JADE1: variants seen among roughly 807,000 people sequenced by gnomAD.
JADE1 encodes jade family PHD finger 1.
Under a neutral mutation model 81.8 loss-of-function variants are expected in JADE1, and 14 were observed. The ratio of observed to expected loss-of-function variants is 0.17; its 90% confidence interval spans 0.11 to 0.27. The LOEUF (loss-of-function observed/expected upper bound fraction) is 0.27. Among genes scored for constraint, JADE1 ranks in the 10% least tolerant of loss-of-function variants. The pLI is 1.00. For missense variants in JADE1, 690 were observed against 1,047.9 expected (o/e 0.66, Z 4.71); for synonymous variants, 353 against 391.9 (o/e 0.90, Z 1.17).
Position 128,862,810 on chromosome 4 carries a change from G to A in JADE1, c.1503+585G>A, listed in dbSNP as rs1046554754. 3.4e-5 allele frequency: 34 copies of A among 998,556 alleles called. 1 individual carries two copies. The East Asian group carries it at 2.9e-3, about 85-fold the overall frequency. The allele number at this position is 998,556 out of a possible 1,614,324, so 61.9% of individuals were successfully genotyped here. ...AGCAGAGCAGGCAGTGGGTGCTGATGTGTGTGCATGAGCTGTATGTACACA... is the reference window on the plus strand; with the variant it reads ...AGCAGAGCAGGCAGTGGGTGCTGATATGTGTGCATGAGCTGTATGTACACA... On this transcript the variant is annotated intron_variant, in intron 9 of 10. Transcript: ENST00000226319.
chr4:128,861,999 A>C lies in JADE1; in HGVS notation c.1277A>C (p.Glu426Ala). ...RKQKLQQLED[E>A]FYTFVNLLDV... is the part of the protein sequence containing the mutation. ...CAGAAGCTGCAGCAGTTGGAGGATG[A>C]GTTCTACACCTTCGTCAACCTGCTG... Residue 426 changes from glutamate to alanine, a missense_variant, in exon 9 of 11, where the codon GAG (glutamate) becomes GCG (alanine). Glu to Ala is a moderately radical substitution (Grantham distance 107). Transcript: ENST00000226319. The C allele has an allele frequency of 6.2e-7, 1 of 1,614,202 alleles. No individual in the cohort carries two copies. The highest frequency in any genetic ancestry group is 1.1e-5 in the South Asian group (1 of 91,090).
At position 128,872,179 on chromosome 4, in the gene JADE1, G is replaced by T. The variant is rs760331849; in HGVS notation, c.2446G>T (p.Ala816Ser). 6.2e-7 allele frequency: 1 copy of T among 1,614,140 alleles called. No individual in the cohort carries two copies. Among genetic ancestry groups the T allele is most frequent in the South Asian group, 1.1e-5 (1 of 91,086 alleles). ...DVEMSDSESE[A>S]SEKKCIHTSS... is the part of the protein sequence containing the mutation. ...GGAAATGAGTGACTCAGAGAGTGAG[G>T]CATCAGAAAAGAAATGTATACACAC... The change falls in exon 11 of 11, where the codon GCA (alanine) becomes TCA (serine). Residue 816 changes from alanine (A) to serine (S), a missense_variant. Around this residue, in one of 8 missense-constraint regions of JADE1, gnomAD observed 218 missense variants for 274.3 expected, o/e 0.79. Coordinates refer to ENST00000226319, the MANE Select transcript of JADE1 (RefSeq NM_199320.4).
chr4:128,870,179 G>C (rs747838511), intron 10 of JADE1, among the ~76,000 whole-genome samples: 1 of 152,212 alleles, frequency 6.6e-6, no homozygotes, highest in Non-Finnish European at 1.5e-5. Context: ...TATATGCAGT[G>C]TGATGTGAAG....
intron 8 of JADE1, among the ~76,000 whole-genome samples, chr4:128,858,124 C>T (rs189027709): frequency 3.2e-4 from 48 of 152,128 alleles, no homozygotes; most frequent in African/African-American, 9.9e-4. Context: ...CGAAAGAGTG[C>T]GTGCACACCT....
intron 6 of JADE1, among the ~76,000 whole-genome samples, chr4:128,855,146 C>G (rs1440895613): frequency 6.6e-6 from 1 of 152,136 alleles, no homozygotes; most frequent in Admixed American, 6.5e-5. Context: ...TTGGGAGATT[C>G]TCTCAGCTGC....
chr4:128,812,524 G>C (rs931082291), intron 1 of JADE1, among the ~76,000 whole-genome samples: 6 of 151,998 alleles, frequency 3.9e-5, no homozygotes, highest in African/African-American at 1.4e-4. Context: ...CCTTATTCTC[G>C]AGTCCTCAAC....
chr4:128,852,420 T>C, intron 6 of JADE1, 152 bp downstream of exon 6: 1 of 635,110 alleles, frequency 1.6e-6, no homozygotes, highest in Non-Finnish European at 2.8e-6. Context: ...TATTTTTCCC[T>C]AGTAGGTTCT....
At chr4:128,855,176 C>T (rs969930917) in intron 6 of JADE1, among the ~76,000 whole-genome samples, 1 of 152,188 alleles carries the variant, frequency 6.6e-6, no homozygotes, top group Non-Finnish European at 1.5e-5. Context: ...TTTCTCCACA[C>T]TCTGTATTCC....
At chr4:128,838,605 A>T (rs1729179694) in intron 2 of JADE1, among the ~76,000 whole-genome samples, 2 of 152,200 alleles carry the variant, frequency 1.3e-5, no homozygotes, top group South Asian at 4.1e-4. Flanking sequence ...TAAGTGCGTG[A>T]TGTTTTGCTG....
rs1283456580 is a variant in JADE1, at chr4:128,863,365, C to T, written c.1503+1140C>T. 3 of 985,314 alleles carry T rather than the reference C, an allele frequency of 3.0e-6. No homozygotes were observed. The African/African-American group carries it at 5.2e-5, about 17-fold the overall frequency. 61.0% of individuals were successfully genotyped at this position (985,314 alleles called of 1,614,324 possible). A position where few individuals can be genotyped will look rare whatever the true frequency, so the allele number is the denominator to read the frequency against. On this transcript the variant is annotated intron_variant, in intron 9 of 10. Coordinates refer to ENST00000226319, the MANE Select transcript of JADE1 (RefSeq NM_199320.4). ...AAGAGGTGGGAGTGAGGTTTTCTGG[C>T]CTGAAGCAGTCTGCACTGAAAGGTA... is the stretch of plus-strand genomic sequence containing the variant.
intron 3 of JADE1, among the ~76,000 whole-genome samples, chr4:128,845,470 G>GT (rs930337652): frequency 3.9e-5 from 6 of 152,162 alleles, no homozygotes; most frequent in Admixed American, 6.5e-5. Flanking sequence ...GTGCAAACAT[G>GT]TTTTTTGCAG....
At chr4:128,848,234 A>G (rs1730035989) in intron 4 of JADE1, among the ~76,000 whole-genome samples, 1 of 152,056 alleles carries the variant, frequency 6.6e-6, no homozygotes, top group Non-Finnish European at 1.5e-5. Context: ...GCTGGAGTGC[A>G]GTGGTGCAAT....
intron 1 of JADE1, among the ~76,000 whole-genome samples, chr4:128,810,959 G>A (rs558275927): frequency 6.6e-6 from 1 of 152,174 alleles, no homozygotes; most frequent in Non-Finnish European, 1.5e-5. Context: ...AATTGTGGGG[G>A]TGGGGTCTCT....
At position 128,871,644 on chromosome 4, in the gene JADE1, T is replaced by C; in HGVS notation, c.1911T>C (p.Phe637=). ...PESFLGLEKT[F]AEARLISAQQ... The stretch of plus-strand genomic sequence containing the variant: ...GCTTTTTGGGTTTAGAAAAGACCTT[T>C]GCAGAAGCACGTCTCATATCAGCAC... Residue 637 remains phenylalanine (F), a synonymous_variant, in exon 11 of 11, where the codon TTT becomes TTC. Transcript: ENST00000226319. This position sits in a 1 kb window ranked among gnomAD's most constrained non-coding sequence, Gnocchi z 4.1. The C allele has an allele frequency of 6.2e-7, 1 of 1,614,228 alleles. No individual in the cohort carries two copies. Among genetic ancestry groups the C allele is most frequent in the Non-Finnish European group, 8.5e-7 (1 of 1,180,044 alleles).
chr4:128,859,665 C>T (rs188871860), intron 8 of JADE1, among the ~76,000 whole-genome samples: 59 of 152,306 alleles, frequency 3.9e-4, no homozygotes, highest in Non-Finnish European at 7.3e-5. Flanking sequence ...CCACATTCCC[C>T]GGTGTTCTGA....
intron 9 of JADE1, chr4:128,863,388 G>A (rs980078828): frequency 5.1e-6 from 5 of 985,402 alleles, no homozygotes; most frequent in Non-Finnish European, 6.0e-6. Flanking sequence ...GCACTGAAAG[G>A]TACCCAAGTG....
chr4:128,852,976 A>C (rs977560206), intron 6 of JADE1, among the ~76,000 whole-genome samples: 1 of 150,206 alleles, frequency 6.7e-6, no homozygotes. Flanking sequence ...GCTCACTGCA[A>C]CCTCCGCCTC....
At chr4:128,827,695 T>C (rs1728195505) in intron 1 of JADE1, among the ~76,000 whole-genome samples, 1 of 152,192 alleles carries the variant, frequency 6.6e-6, no homozygotes, top group Non-Finnish European at 1.5e-5. Context: ...TTTGTTGTTT[T>C]AATAATTGGA....
intron 6 of JADE1, among the ~76,000 whole-genome samples, chr4:128,853,771 T>G (rs1730565845): frequency 6.6e-6 from 1 of 152,234 alleles, no homozygotes; most frequent in Non-Finnish European, 1.5e-5. Flanking sequence ...GTTTGCTCCA[T>G]GAAGTTCTTG....
Sources: gnomAD v4.1 joint callset for allele counts (sites outside exome capture counted in the v4.1 genomes callset) on GRCh38, gnomAD v4.1.1 for gene constraint, gnomAD v4.1.1 regional missense constraint, Gnocchi (gnomAD v3.1) non-coding constraint, MANE v1.5 for transcripts, NCBI Gene and HGNC (gene_info 2026-07-23, HGNC 2026-07-21) for gene names.